The following DPP6 variants were observed in gnomAD, a reference collection of about 807,000 sequenced individuals.
DPP6 encodes the protein A-type potassium channel modulatory protein DPP6.
Under a neutral mutation model 122.6 loss-of-function variants are expected in DPP6, and 69 were observed. That is an observed-to-expected ratio of 0.56 (90% CI 0.46 to 0.69). The LOEUF (loss-of-function observed/expected upper bound fraction) is 0.69, where lower values mean the gene tolerates loss of function less well. Ranked by LOEUF, DPP6 falls within the 30% of genes least tolerant of loss-of-function variation. The pLI is 0.00. For missense variants in DPP6, 928 were observed against 1,116.9 expected (o/e 0.83, Z 2.41); for synonymous variants, 418 against 433.1 (o/e 0.97, Z 0.43).
chr7:153,936,227 G>T (rs1801432604), intron 1 of DPP6, among the ~76,000 whole-genome samples: 1 of 147,594 alleles, frequency 6.8e-6, no homozygotes, highest in Non-Finnish European at 1.5e-5. Context: ...TTAATATCTG[G>T]ATGGGACAAG....
chr7:154,491,538 C>T (rs994842595), intron 3 of DPP6, among the ~76,000 whole-genome samples: 1 of 152,156 alleles, frequency 6.6e-6, no homozygotes, highest in Non-Finnish European at 1.5e-5. Flanking sequence ...TCTTCCTTTG[C>T]CATTGGAGCC....
chr7:154,017,529 C>CA (rs1211464900), intron 1 of DPP6, among the ~76,000 whole-genome samples: 1 of 150,920 alleles, frequency 6.6e-6, no homozygotes, highest in African/African-American at 2.4e-5. Flanking sequence ...CCTGTCTCTA[C>CA]AAAAAAAGAA....
intron 1 of DPP6, among the ~76,000 whole-genome samples, chr7:154,065,219 C>G (rs1391848397): frequency 6.6e-6 from 1 of 151,820 alleles, no homozygotes; most frequent in Non-Finnish European, 1.5e-5. Flanking sequence ...AAACCAGCTC[C>G]AACAAGGCAG....
intron 5 of DPP6, among the ~76,000 whole-genome samples, chr7:154,613,467 A>C (rs551009481): frequency 6.6e-6 from 1 of 151,808 alleles, no homozygotes; most frequent in African/African-American, 2.4e-5. Context: ...TGAAAATACA[A>C]AATTAGCCAG....
rs577584283 is a variant in DPP6, at chr7:153,961,892, C to T, written c.51+74158C>T. Among the ~76,000 whole-genome samples the T allele has an allele frequency of 6.0e-4, 86 of 143,700 alleles. 1 individual carries two copies. Among genetic ancestry groups the T allele is most frequent in the Middle Eastern group, 3.4e-3 (1 of 294 alleles). The allele number at this position is 143,700 out of a possible 152,430, so 94.3% of individuals were successfully genotyped here. Reference sequence around the variant, plus strand: ...GGCAGAGCTCAGGCAGTAATGCGAGCGATGGGGAGCGGCTGTAAGTACAGA... The same window carrying T: ...GGCAGAGCTCAGGCAGTAATGCGAGTGATGGGGAGCGGCTGTAAGTACAGA... On this transcript the variant is annotated intron_variant, in intron 1 of 25. Coordinates refer to the DPP6 transcript ENST00000404039.
chr7:154,557,706 G>A (rs1280829080), intron 4 of DPP6, among the ~76,000 whole-genome samples: 9 of 152,018 alleles, frequency 5.9e-5, no homozygotes, highest in African/African-American at 9.7e-5. Flanking sequence ...TGTGATCCCC[G>A]AGAAAAGAAA....
chr7:154,553,068 C>T lies in DPP6; in HGVS notation c.552+12442C>T, dbSNP rs373564143. Among the ~76,000 whole-genome samples the T allele has an allele frequency of 6.0e-4, 91 of 152,210 alleles. 4 individuals carry two copies. The South Asian group carries it at 0.012, about 20-fold the overall frequency. On this transcript the variant is annotated intron_variant, in intron 4 of 25. Coordinates refer to ENST00000377770, the MANE Select transcript of DPP6 (RefSeq NM_130797.4). ...TGAGCTGGTTAGAATTTAAAGCCACCGTGCTTTAGGAAAATAACTGTAACC... is the reference window on the plus strand; with the variant it reads ...TGAGCTGGTTAGAATTTAAAGCCACTGTGCTTTAGGAAAATAACTGTAACC...
chr7:154,493,025 G>A (rs962592769), intron 3 of DPP6, among the ~76,000 whole-genome samples: 2 of 152,142 alleles, frequency 1.3e-5, no homozygotes, highest in African/African-American at 4.8e-5. Flanking sequence ...GGTTAAACTC[G>A]AGATTCCTTT....
chr7:154,655,951 G>A (rs1241522065), intron 6 of DPP6, among the ~76,000 whole-genome samples: 1 of 152,226 alleles, frequency 6.6e-6, no homozygotes, highest in South Asian at 2.1e-4. Context: ...AGGGACATTC[G>A]CTTCCTAGGG....
chr7:153,749,736 T>C, the DPP6 span, among the ~76,000 whole-genome samples: 1 of 152,180 alleles, frequency 6.6e-6, no homozygotes, highest in Non-Finnish European at 1.5e-5. The surrounding 1 kb of genome is among the most constrained non-coding windows in gnomAD (Gnocchi z 4.1). Flanking sequence ...GCCTCACCTG[T>C]CTGCCATTCC....
chr7:154,284,606 G>A (rs1804732918), intron 1 of DPP6, among the ~76,000 whole-genome samples: 1 of 152,260 alleles, frequency 6.6e-6, no homozygotes, highest in Admixed American at 6.5e-5. Context: ...CGTAATCCCA[G>A]CACTTTGGGA....
intron 1 of DPP6, among the ~76,000 whole-genome samples, chr7:154,027,204 G>A (rs1393273875): frequency 1.3e-5 from 2 of 149,672 alleles, no homozygotes; most frequent in Non-Finnish European, 3.0e-5. Flanking sequence ...CATCCCACAC[G>A]GCTAGCTCAC....
intron 1 of DPP6, among the ~76,000 whole-genome samples, chr7:154,306,699 G>C (rs1034707975): frequency 2.6e-5 from 4 of 152,118 alleles, no homozygotes; most frequent in Non-Finnish European, 4.4e-5. Flanking sequence ...CATTTTATTA[G>C]TACCATCATT....
intron 1 of DPP6, among the ~76,000 whole-genome samples, chr7:154,021,165 T>TA (rs1370813592): frequency 6.6e-6 from 1 of 152,138 alleles, no homozygotes; most frequent in Non-Finnish European, 1.5e-5. Context: ...TGCAGCACCT[T>TA]ACCACTCAGA....
intron 1 of DPP6, among the ~76,000 whole-genome samples, chr7:153,888,515 C>T (rs1799044195): frequency 6.6e-6 from 1 of 152,214 alleles, no homozygotes; most frequent in Admixed American, 6.5e-5. Context: ...CGCGCCTGCT[C>T]TCGGGCTCAC....
intron 1 of DPP6, among the ~76,000 whole-genome samples, chr7:154,415,048 A>G (rs941438277): frequency 6.6e-6 from 1 of 152,030 alleles, no homozygotes; most frequent in Non-Finnish European, 1.5e-5. Flanking sequence ...CATACCAACA[A>G]AGCTCACCCT....
intron 1 of DPP6, among the ~76,000 whole-genome samples, chr7:154,293,349 C>T (rs553609018): frequency 7.0e-4 from 107 of 152,260 alleles, no homozygotes; most frequent in African/African-American, 1.8e-3. Flanking sequence ...TCATCTGTAG[C>T]GTAGGATTCA....
chr7:154,396,355 C>T (rs1002373402), intron 1 of DPP6, among the ~76,000 whole-genome samples: 1 of 152,130 alleles, frequency 6.6e-6, no homozygotes, highest in African/African-American at 2.4e-5. Context: ...AACTCCTGTG[C>T]CTGCACTTGT....
intron 8 of DPP6, among the ~76,000 whole-genome samples, chr7:154,752,603 C>A (rs1279220260): frequency 1.3e-5 from 2 of 152,126 alleles, no homozygotes; most frequent in African/African-American, 2.4e-5. Context: ...ACTAAGGAGG[C>A]CTCACCCTTC....
Sources: gnomAD v4.1 joint callset for allele counts (sites outside exome capture counted in the v4.1 genomes callset) on GRCh38, gnomAD v4.1.1 for gene constraint, Gnocchi (gnomAD v3.1) non-coding constraint, MANE v1.5 for transcripts, NCBI Gene and HGNC (gene_info 2026-07-23, HGNC 2026-07-21) for gene names.